SMYD3: variants seen among roughly 807,000 people sequenced by gnomAD.
The protein encoded by SMYD3 is histone-lysine N-methyltransferase SMYD3.
A neutral mutation model predicts 57.7 loss-of-function variants in SMYD3; 36 were observed. The ratio of observed to expected loss-of-function variants is 0.62; its 90% CI spans 0.48 to 0.82. SMYD3 has a LOEUF of 0.82. SMYD3 is among the 40% of genes least tolerant of loss of function. The pLI is 0.00. For synonymous variants in SMYD3, 211 were observed against 195.0 expected (o/e 1.08, Z -0.68); for missense variants, 515 against 538.8 (o/e 0.96, Z 0.44).
At chr1:246,463,436 A>C (rs1572522427) in intron 1 of SMYD3, among the ~76,000 whole-genome samples, 2 of 152,204 alleles carry the variant, frequency 1.3e-5, no homozygotes, top group East Asian at 3.9e-4. Flanking sequence ...CAAATTTAAG[A>C]ATGAAGATTG....
At chr1:245,935,371 T>C (rs1572733562) in intron 5 of SMYD3, among the ~76,000 whole-genome samples, 1 of 152,212 alleles carries the variant, frequency 6.6e-6, no homozygotes, top group East Asian at 1.9e-4. Flanking sequence ...AGGTATCACC[T>C]CATGCCTGTT....
intron 5 of SMYD3, among the ~76,000 whole-genome samples, chr1:245,993,545 G>A (rs571954116): frequency 7.3e-5 from 11 of 150,596 alleles, no homozygotes; most frequent in African/African-American, 2.4e-4. Flanking sequence ...GACCAGGCTA[G>A]GCAACATAGC....
intron 10 of SMYD3, among the ~76,000 whole-genome samples, chr1:245,780,947 C>A (rs182679878): frequency 6.6e-6 from 1 of 152,238 alleles, no homozygotes; most frequent in Non-Finnish European, 1.5e-5. Flanking sequence ...ATACATGTTA[C>A]AACATGAATG....
chr1:246,240,087 T>C (rs2063581284), intron 5 of SMYD3, among the ~76,000 whole-genome samples: 1 of 152,222 alleles, frequency 6.6e-6, no homozygotes, highest in Non-Finnish European at 1.5e-5. Context: ...AGAAGCTCTT[T>C]AGTTTAATTC....
intron 1 of SMYD3, among the ~76,000 whole-genome samples, chr1:246,378,826 TAG>T (rs1164318898): frequency 2.6e-5 from 3 of 116,216 alleles, no homozygotes; most frequent in Admixed American, 2.4e-4. Flanking sequence ...TATATTTATA[TAG>T]TATATATAAT....
intron 1 of SMYD3, among the ~76,000 whole-genome samples, chr1:246,428,288 C>A (rs1170955710): frequency 6.6e-6 from 1 of 152,162 alleles, no homozygotes; most frequent in Non-Finnish European, 1.5e-5. Flanking sequence ...TAATACTTAT[C>A]TTTAAGTTGA....
At chr1:246,350,610 G>A (rs532050494) in intron 2 of SMYD3, among the ~76,000 whole-genome samples, 1 of 152,270 alleles carries the variant, frequency 6.6e-6, no homozygotes, top group African/African-American at 2.4e-5. Context: ...ACTGTTCACT[G>A]AGGCTGGAAA....
intron 5 of SMYD3, among the ~76,000 whole-genome samples, chr1:246,114,789 G>A (rs1352863774): frequency 2.0e-5 from 3 of 152,062 alleles, no homozygotes; most frequent in South Asian, 2.1e-4. Context: ...CCGCCACCAC[G>A]CCCGGCTCAT....
intron 5 of SMYD3, among the ~76,000 whole-genome samples, chr1:246,166,762 G>T (rs1484535544): frequency 6.6e-6 from 1 of 152,060 alleles, no homozygotes; most frequent in Non-Finnish European, 1.5e-5. Context: ...AGGGGCCGCG[G>T]GATAACTTAG....
At chr1:245,936,253 G>A (rs1351007324) in intron 5 of SMYD3, among the ~76,000 whole-genome samples, 1 of 152,142 alleles carries the variant, frequency 6.6e-6, no homozygotes, top group Non-Finnish European at 1.5e-5. Context: ...TTTGTCTCAA[G>A]ATGCTTTATA....
At chr1:246,057,994 G>C (rs1164071261) in intron 5 of SMYD3, among the ~76,000 whole-genome samples, 1 of 152,218 alleles carries the variant, frequency 6.6e-6, no homozygotes, top group Non-Finnish European at 1.5e-5. Flanking sequence ...GCGAAAGAAG[G>C]CAGTGTGAAA....
chr1:246,169,190 T>C (rs1370126235), intron 5 of SMYD3, among the ~76,000 whole-genome samples: 2 of 152,078 alleles, frequency 1.3e-5, no homozygotes, highest in African/African-American at 4.8e-5. Flanking sequence ...CCAGGCAGTC[T>C]GCAAAAGACA....
intron 5 of SMYD3, among the ~76,000 whole-genome samples, chr1:246,092,696 C>T (rs550974540): frequency 2.6e-5 from 4 of 152,130 alleles, no homozygotes; most frequent in South Asian, 2.1e-4. Flanking sequence ...GGTATTGGCC[C>T]GGCAAAGATG....
intron 3 of SMYD3, among the ~76,000 whole-genome samples, chr1:246,332,748 C>G (rs1382485346): frequency 6.6e-6 from 1 of 152,206 alleles, no homozygotes; most frequent in Non-Finnish European, 1.5e-5. Context: ...GCGGAGGTTG[C>G]AGTGAGCCAA....
At chr1:246,478,217 T>G (rs1159544543) in intron 1 of SMYD3, among the ~76,000 whole-genome samples, 1 of 152,272 alleles carries the variant, frequency 6.6e-6, no homozygotes, top group Non-Finnish European at 1.5e-5. Context: ...CTACAACTGA[T>G]GCTTTAAATG....
chr1:246,465,195 G>C (rs4654262), intron 1 of SMYD3, among the ~76,000 whole-genome samples: 151,357 of 152,356 alleles, frequency 0.99, 75,199 homozygotes, highest in Middle Eastern at 1. Flanking sequence ...TAATAAAAGA[G>C]AGAAAAATGC....
At chr1:246,057,114 A>G (rs6657610) in intron 5 of SMYD3, among the ~76,000 whole-genome samples, 20,282 of 152,214 alleles carry the variant, frequency 0.13, 2,793 homozygotes, top group African/African-American at 0.35. Flanking sequence ...GCAACACAGT[A>G]AGACATTGTC....
rs954407009 is a variant in SMYD3, at chr1:246,073,210, T to C, written c.532-143273A>G. Among the ~76,000 whole-genome samples the C allele has an allele frequency of 6.6e-5, 10 of 152,332 alleles. No individual in the cohort carries two copies. The East Asian group carries it at 1.9e-3, about 29-fold the overall frequency. On this transcript the variant is annotated intron_variant, in intron 5 of 11. Coordinates refer to ENST00000490107, the MANE Select transcript of SMYD3 (RefSeq NM_001167740.2). ...TGAGTGACTCCCATTAGTATATCTGTGTGTTGATGCTTGCAAAGAGAACAT... is the reference window on the plus strand; with the variant it reads ...TGAGTGACTCCCATTAGTATATCTGCGTGTTGATGCTTGCAAAGAGAACAT...
At chr1:245,994,141 G>A (rs565057993) in intron 5 of SMYD3, among the ~76,000 whole-genome samples, 2 of 152,288 alleles carry the variant, frequency 1.3e-5, no homozygotes, top group East Asian at 3.9e-4. Context: ...TAAAATGTCG[G>A]AAGAGTTTCT....
Sources: allele counts gnomAD v4.1 joint callset (sites outside exome capture counted in the v4.1 genomes callset), GRCh38; gene constraint gnomAD v4.1.1; transcripts MANE v1.5; gene names NCBI Gene and HGNC (gene_info 2026-07-23, HGNC 2026-07-21).